The following CEP128 variants were observed in gnomAD, a reference collection of about 807,000 sequenced individuals.
CEP128 encodes centrosomal protein 128kDa.
In CEP128, 132 loss-of-function variants were observed where a neutral mutation model predicts 156.7. The observed-to-expected ratio is 0.84, with a 90% CI of 0.73 to 0.97. The LOEUF (loss-of-function observed/expected upper bound fraction) is 0.97. Ranked by LOEUF, CEP128 falls within the 50% of genes least tolerant of loss-of-function variation. The pLI, the probability that CEP128 is intolerant of heterozygous loss-of-function variation, is 0.00. For missense variants in CEP128, 1,252 were observed against 1,281.9 expected (o/e 0.98, Z 0.36); for synonymous variants, 469 against 448.9 (o/e 1.04, Z -0.57).
intron 2 of CEP128, among the ~76,000 whole-genome samples, chr14:80,952,208 A>AT (rs145537177): frequency 0.068 from 10,276 of 151,946 alleles, 1,130 homozygotes; most frequent in African/African-American, 0.24. Flanking sequence ...CTGATCACTT[A>AT]TTTTTTTTCA....
intron 13 of CEP128, among the ~76,000 whole-genome samples, chr14:80,800,097 T>C (rs187045100): frequency 1.3e-5 from 2 of 152,324 alleles, no homozygotes; most frequent in Admixed American, 1.3e-4. Context: ...CCTGCTAGTT[T>C]GAGGCTCAGG....
chr14:80,679,471 G>A (rs997207602), intron 19 of CEP128, among the ~76,000 whole-genome samples: 2 of 152,100 alleles, frequency 1.3e-5, no homozygotes, highest in Admixed American at 1.3e-4. Flanking sequence ...CTGAGATAAG[G>A]ACTGAAATAC....
intron 19 of CEP128, among the ~76,000 whole-genome samples, chr14:80,590,540 C>A (rs957068145): frequency 6.6e-6 from 1 of 151,136 alleles, no homozygotes; most frequent in Non-Finnish European, 1.5e-5. Context: ...GCAAGACATT[C>A]CTAGGAAGAA....
chr14:80,643,693 G>C (rs774969348), intron 19 of CEP128, among the ~76,000 whole-genome samples: 2 of 139,310 alleles, frequency 1.4e-5, no homozygotes, highest in Non-Finnish European at 3.0e-5. Context: ...CTGGGCATCA[G>C]AGCAAGACTC....
At chr14:80,820,241 G>GT (rs1421075392) in intron 13 of CEP128, among the ~76,000 whole-genome samples, 1 of 152,090 alleles carries the variant, frequency 6.6e-6, no homozygotes, top group Non-Finnish European at 1.5e-5. Context: ...GACATTTCTT[G>GT]TTTTTTCTCG....
At position 80,916,562 on chromosome 14, in the gene CEP128, C is replaced by A. The variant is rs1330568416; in HGVS notation, c.-15G>T. On this transcript the variant is annotated splice_region_variant and 5_prime_UTR_variant, in exon 3 of 25. Coordinates refer to ENST00000555265, the MANE Select transcript of CEP128 (RefSeq NM_152446.5). ...GATTCTGCCATTGATGTACACAAAT[C>A]CTTTTAAATAAATATAGGTCAAAGT... is the stretch of plus-strand genomic sequence containing the variant. 2 of 1,606,322 alleles carry A rather than the reference C, an allele frequency of 1.2e-6. No individual in the cohort carries two copies. Among genetic ancestry groups the A allele is most frequent in the South Asian group, 2.2e-5 (2 of 90,000 alleles).
intron 23 of CEP128, among the ~76,000 whole-genome samples, chr14:80,509,736 T>C (rs1423290047): frequency 3.3e-5 from 5 of 152,198 alleles, no homozygotes; most frequent in Non-Finnish European, 7.4e-5. Context: ...GTTTCTTTTT[T>C]CTTATAGTAG....
At chr14:80,799,653 G>A (rs1346461999) in intron 13 of CEP128, among the ~76,000 whole-genome samples, 3 of 152,100 alleles carry the variant, frequency 2.0e-5, no homozygotes, top group Non-Finnish European at 2.9e-5. Flanking sequence ...ATTCCTAGGG[G>A]GAGGTCTATA....
intron 16 of CEP128, among the ~76,000 whole-genome samples, chr14:80,776,553 TTA>T (rs960392844): frequency 1.2e-4 from 18 of 148,050 alleles, no homozygotes; most frequent in African/African-American, 3.9e-4. Flanking sequence ...ATATATATTA[TTA>T]TATATATTAA....
At chr14:80,518,322 C>G (rs1049447956) in intron 23 of CEP128, among the ~76,000 whole-genome samples, 1 of 151,754 alleles carries the variant, frequency 6.6e-6, no homozygotes, top group Non-Finnish European at 1.5e-5. Context: ...ACCTTCCCAG[C>G]TAGGCTTAGG....
At chr14:80,505,281 T>G (rs1239352803) in intron 23 of CEP128, among the ~76,000 whole-genome samples, 1 of 152,222 alleles carries the variant, frequency 6.6e-6, no homozygotes, top group African/African-American at 2.4e-5. Context: ...TTATAAAACT[T>G]TGTGTTTAAC....
intron 13 of CEP128, among the ~76,000 whole-genome samples, chr14:80,797,912 T>G (rs914674379): frequency 1.3e-5 from 2 of 152,192 alleles, no homozygotes; most frequent in Non-Finnish European, 2.9e-5. Flanking sequence ...GATTTTCAGT[T>G]CTATTATTAC....
intron 19 of CEP128, among the ~76,000 whole-genome samples, chr14:80,609,810 A>G (rs1892924350): frequency 6.6e-6 from 1 of 152,276 alleles, no homozygotes; most frequent in South Asian, 2.1e-4. Flanking sequence ...AATGAGATAC[A>G]AGTACTGATT....
chr14:80,824,770 G>A (rs1885377566), intron 13 of CEP128, among the ~76,000 whole-genome samples: 1 of 152,146 alleles, frequency 6.6e-6, no homozygotes, highest in African/African-American at 2.4e-5. Context: ...ACATTTTCAT[G>A]TATTCTTTTG....
chr14:80,702,504 G>A (rs1897107591), intron 19 of CEP128, among the ~76,000 whole-genome samples: 2 of 152,062 alleles, frequency 1.3e-5, no homozygotes. Flanking sequence ...AAACCAAAAT[G>A]AAGACATTTG....
At chr14:80,899,629 T>C (rs1394806473) in intron 7 of CEP128, among the ~76,000 whole-genome samples, 1 of 152,226 alleles carries the variant, frequency 6.6e-6, no homozygotes, top group African/African-American at 2.4e-5. Context: ...AGTCGGTCTT[T>C]GTGTCTCTCT....
chr14:80,551,925 C>A (rs1890225416), intron 21 of CEP128, among the ~76,000 whole-genome samples: 1 of 152,130 alleles, frequency 6.6e-6, no homozygotes, highest in Non-Finnish European at 1.5e-5. Context: ...CCAGCAGGCA[C>A]AAAAATCTTA....
chr14:80,742,800 G>C (rs942370897), intron 19 of CEP128: 2 of 367,598 alleles, frequency 5.4e-6, no homozygotes, highest in African/African-American at 4.2e-5. Context: ...GTAAACATCA[G>C]CATTTTACTA....
In CEP128 at chr14:80,526,852, T is replaced by A. The variant is rs1197214913; in HGVS notation, c.3072+17A>T. The A allele has an allele frequency of 3.5e-6, 5 of 1,414,926 alleles. No homozygotes were observed. The highest frequency in any genetic ancestry group is 5.0e-6 in the Non-Finnish European group (5 of 1,003,630). 87.6% of individuals were successfully genotyped at this position (1,414,926 alleles called of 1,614,324 possible). A position where few individuals can be genotyped will look rare whatever the true frequency, so the allele number is the denominator to read the frequency against. On this transcript the variant is annotated intron_variant, in intron 23 of 24. Coordinates refer to ENST00000555265, the MANE Select transcript of CEP128 (RefSeq NM_152446.5). ...GGATACTACTTAAAGACTAAAAAAG[T>A]ATATAAAGAAAATTACTTTGAAACT...
Sources: gnomAD v4.1 joint callset for allele counts (sites outside exome capture counted in the v4.1 genomes callset) on GRCh38, gnomAD v4.1.1 for gene constraint, MANE v1.5 for transcripts, NCBI Gene and HGNC (gene_info 2026-07-23, HGNC 2026-07-21) for gene names.